ROBO1: variants seen among roughly 807,000 people sequenced by gnomAD.
ROBO1 encodes roundabout homolog 1.
In ROBO1, 149 loss-of-function variants were observed where a neutral mutation model predicts 195.9. The ratio of observed to expected loss-of-function variants is 0.76; its 90% CI spans 0.67 to 0.87. The LOEUF (loss-of-function observed/expected upper bound fraction) is 0.87. ROBO1 is among the 40% of genes least tolerant of loss of function. ROBO1 has a pLI of 0.00. For missense variants in ROBO1, 1,933 were observed against 2,068.3 expected (o/e 0.93, Z 1.27); for synonymous variants, 816 against 733.2 (o/e 1.11, Z -1.82).
chr3:79,766,824 A>G (rs1705025598), intron 1 of ROBO1, among the ~76,000 whole-genome samples: 1 of 152,176 alleles, frequency 6.6e-6, no homozygotes, highest in South Asian at 2.1e-4. Flanking sequence ...TCAATAATGC[A>G]GAGGCTCCTG....
At chr3:79,473,588 C>A (rs1422470940) in intron 2 of ROBO1, among the ~76,000 whole-genome samples, 3 of 151,942 alleles carry the variant, frequency 2.0e-5, no homozygotes, top group African/African-American at 4.8e-5. Context: ...ATTTTTAATA[C>A]CTCCTACTGT....
intron 4 of ROBO1, among the ~76,000 whole-genome samples, chr3:78,819,790 A>G (rs534141557): frequency 6.6e-6 from 1 of 152,188 alleles, no homozygotes; most frequent in African/African-American, 2.4e-5. Context: ...ATTTTATGTC[A>G]GTTTTTCAGC....
intron 1 of ROBO1, among the ~76,000 whole-genome samples, chr3:79,637,645 AT>A (rs1945535452): frequency 6.6e-6 from 1 of 152,138 alleles, no homozygotes; most frequent in Non-Finnish European, 1.5e-5. Context: ...ACGTTTTGAT[AT>A]GCAGGCCGTT....
intron 4 of ROBO1, among the ~76,000 whole-genome samples, chr3:78,777,688 A>T (rs1415143701): frequency 5.3e-5 from 8 of 152,154 alleles, no homozygotes; most frequent in Admixed American, 3.9e-4. Context: ...TGTATTATAA[A>T]TTTTTTCACA....
Position 79,002,055 on chromosome 3 carries a change from C to A in ROBO1, c.173-63128G>T, listed in dbSNP as rs548063808. On this transcript the variant is annotated intron_variant, in intron 3 of 30. Transcript: ENST00000464233. ...TGGATACTTTAGTTCTGTAAAATAG[C>A]CATGGGTCATCCCACACAGTGACAA... Among the ~76,000 whole-genome samples the A allele has an allele frequency of 4.6e-5, 7 of 152,142 alleles. No individual in the cohort carries two copies. In the South Asian group the frequency reaches 1.5e-3, roughly 32 times the overall value.
At chr3:78,750,138 T>C (rs2082752359) in intron 4 of ROBO1, among the ~76,000 whole-genome samples, 2 of 152,066 alleles carry the variant, frequency 1.3e-5, no homozygotes, top group Non-Finnish European at 2.9e-5. Flanking sequence ...ATTTGAATCC[T>C]AGAAGGTTTT....
At chr3:79,628,461 C>A (rs1185237839) in intron 1 of ROBO1, among the ~76,000 whole-genome samples, 1 of 151,958 alleles carries the variant, frequency 6.6e-6, no homozygotes, top group Non-Finnish European at 1.5e-5. Flanking sequence ...GAGAGGAGAA[C>A]GACACACATC....
At chr3:78,863,678 G>A (rs2034989960) in intron 4 of ROBO1, among the ~76,000 whole-genome samples, 1 of 152,176 alleles carries the variant, frequency 6.6e-6, no homozygotes, top group Admixed American at 6.5e-5. Context: ...AGTCCACCAT[G>A]TTCTTTCAGT....
intron 3 of ROBO1, among the ~76,000 whole-genome samples, chr3:79,000,339 G>A (rs1479345089): frequency 1.3e-5 from 2 of 152,142 alleles, no homozygotes; most frequent in Non-Finnish European, 2.9e-5. Context: ...CAGATGGATA[G>A]ATTGCAAAAA....
At chr3:79,219,709 G>T (rs945186153) in intron 2 of ROBO1, among the ~76,000 whole-genome samples, 1 of 151,916 alleles carries the variant, frequency 6.6e-6, no homozygotes, top group Non-Finnish European at 1.5e-5. Context: ...ATTCTTATGG[G>T]AATGACCAAA....
chr3:79,249,487 C>A (rs1030476650), intron 2 of ROBO1, among the ~76,000 whole-genome samples: 9 of 152,112 alleles, frequency 5.9e-5, no homozygotes, highest in African/African-American at 2.2e-4. Context: ...TTGTTTTGTG[C>A]CCAATCATAA....
rs1707453851 is a variant in ROBO1, at chr3:78,662,115, C to T, written c.1967-1G>A. 1 of 1,556,086 alleles carries T rather than the reference C, an allele frequency of 6.4e-7. No individual in the cohort carries two copies. Among genetic ancestry groups the T allele is most frequent in the Non-Finnish European group, 8.7e-7 (1 of 1,149,458 alleles). On this transcript the variant is annotated splice_acceptor_variant, in intron 14 of 30. Coordinates refer to ENST00000464233, the MANE Select transcript of ROBO1 (RefSeq NM_002941.4). LOFTEE classifies it high-confidence loss of function. ...ACCCCCTGACTTGTTGGTAGGACAT[C>T]TACAACAAGTCAAGAAAACTGTGTC...
chr3:79,646,872 C>G (rs2106714399), intron 1 of ROBO1, among the ~76,000 whole-genome samples: 1 of 151,992 alleles, frequency 6.6e-6, no homozygotes, highest in African/African-American at 2.4e-5. Flanking sequence ...CCCATAAAGA[C>G]AGAAAGTAGA....
At chr3:78,684,842 G>C (rs1462331723) in intron 10 of ROBO1, among the ~76,000 whole-genome samples, 4 of 152,088 alleles carry the variant, frequency 2.6e-5, no homozygotes, top group Non-Finnish European at 5.9e-5. Flanking sequence ...TGAATATATA[G>C]AGTAAGCATC....
At chr3:79,727,893 A>G (rs891834534) in intron 1 of ROBO1, among the ~76,000 whole-genome samples, 6 of 152,134 alleles carry the variant, frequency 3.9e-5, no homozygotes, top group African/African-American at 9.7e-5. Flanking sequence ...ACAATTTAGT[A>G]GCATTGTATG....
At chr3:78,699,572 G>GTAATAA (rs200057797) in intron 8 of ROBO1, among the ~76,000 whole-genome samples, 2 of 148,944 alleles carry the variant, frequency 1.3e-5, no homozygotes, top group Non-Finnish European at 3.0e-5. Flanking sequence ...CCATCTCCAA[G>GTAATAA]TAATAATAAT....
intron 2 of ROBO1, among the ~76,000 whole-genome samples, chr3:79,490,325 T>C (rs1183275029): frequency 6.6e-6 from 1 of 152,190 alleles, no homozygotes; most frequent in Non-Finnish European, 1.5e-5. Flanking sequence ...AGCCCCTTTG[T>C]ATGTGCTGTA....
At chr3:78,843,647 G>A (rs944607660) in intron 4 of ROBO1, among the ~76,000 whole-genome samples, 2 of 151,972 alleles carry the variant, frequency 1.3e-5, no homozygotes, top group South Asian at 2.1e-4. Flanking sequence ...GTTTTAACAA[G>A]AGATATGTAA....
Position 79,276,604 on chromosome 3 carries a change from G to A in ROBO1, c.89-151065C>T, listed in dbSNP as rs569509141. On this transcript the variant is annotated intron_variant, in intron 2 of 30. Transcript: ENST00000464233. ...TACCCCACAAGCATAGGCAACCAAAGCAAAAGTTGACAAATGGGATCATAT... is the reference window on the plus strand; with the variant it reads ...TACCCCACAAGCATAGGCAACCAAAACAAAAGTTGACAAATGGGATCATAT... Among the ~76,000 whole-genome samples, 6 of 151,916 alleles carry A rather than the reference G, an allele frequency of 3.9e-5. No individual in the cohort carries two copies. The South Asian group carries it at 1.2e-3, about 32-fold the overall frequency.
Sources: allele counts gnomAD v4.1 joint callset (sites outside exome capture counted in the v4.1 genomes callset), GRCh38; gene constraint gnomAD v4.1.1; transcripts MANE v1.5; gene names NCBI Gene and HGNC (gene_info 2026-07-23, HGNC 2026-07-21).